HMGCLL1: variants seen among roughly 807,000 people sequenced by gnomAD.
The protein encoded by HMGCLL1 is 3-hydroxymethyl-3-methylglutaryl-CoA lyase, cytoplasmic.
In HMGCLL1, 36 loss-of-function variants were observed where a neutral mutation model predicts 39.1. The observed-to-expected ratio is 0.92, with a 90% CI of 0.71 to 1.22. The LOEUF is 1.22. Ranked by LOEUF, HMGCLL1 falls within the 50% of genes most tolerant of loss-of-function variation. HMGCLL1 has a pLI of 0.00. For missense variants in HMGCLL1, 451 were observed against 416.5 expected (o/e 1.08, Z -0.72); for synonymous variants, 149 against 144.0 (o/e 1.03, Z -0.25).
the HMGCLL1 span, among the ~76,000 whole-genome samples, chr6:55,635,929 C>G: frequency 6.6e-6 from 1 of 152,086 alleles, no homozygotes; most frequent in African/African-American, 2.4e-5. Context: ...CTCTGGGAAC[C>G]CAGTCTTGTC....
chr6:55,548,965 C>T (rs1024942598), intron 1 of HMGCLL1, among the ~76,000 whole-genome samples: 2 of 151,494 alleles, frequency 1.3e-5, no homozygotes, highest in African/African-American at 4.9e-5. Flanking sequence ...AACAGAAAAA[C>T]TTCTATGAAT....
At chr6:55,530,489 A>AT (rs1354689094) in intron 3 of HMGCLL1, among the ~76,000 whole-genome samples, 15 of 152,074 alleles carry the variant, frequency 9.9e-5, no homozygotes, top group African/African-American at 3.6e-4. Context: ...GATAGGTCAA[A>AT]TGTTCAAGAT....
the HMGCLL1 span, among the ~76,000 whole-genome samples, chr6:55,596,832 A>G: frequency 6.6e-6 from 1 of 152,180 alleles, no homozygotes. Flanking sequence ...CCAAGTTAGC[A>G]TTTTACATTT....
At chr6:55,462,397 C>T (rs1326272785) in intron 7 of HMGCLL1, among the ~76,000 whole-genome samples, 2 of 152,144 alleles carry the variant, frequency 1.3e-5, no homozygotes, top group Admixed American at 1.3e-4. Flanking sequence ...AATTATACCA[C>T]ATCTTAGCTG....
intron 7 of HMGCLL1, among the ~76,000 whole-genome samples, chr6:55,461,935 T>C (rs948928567): frequency 6.6e-6 from 1 of 152,012 alleles, no homozygotes; most frequent in Non-Finnish European, 1.5e-5. Flanking sequence ...AAAAAGAATA[T>C]AATTCAGGTT....
At chr6:55,450,287 T>G (rs958967802) in intron 7 of HMGCLL1, among the ~76,000 whole-genome samples, 78 of 152,184 alleles carry the variant, frequency 5.1e-4, no homozygotes, top group African/African-American at 1.9e-3. Flanking sequence ...TTCAGCAGAA[T>G]GGGAGGACAG....
chr6:55,504,074 T>C (rs1475785820), intron 5 of HMGCLL1, among the ~76,000 whole-genome samples: 1 of 151,762 alleles, frequency 6.6e-6, no homozygotes, highest in Non-Finnish European at 1.5e-5. Flanking sequence ...AATAAACTGG[T>C]GTTCAAGTTT....
chr6:55,493,718 G>GT lies in HMGCLL1; in HGVS notation c.795+1700dup, dbSNP rs1160497836. Among the ~76,000 whole-genome samples the GT allele has an allele frequency of 9.6e-3, 1,218 of 126,810 alleles. 14 individuals are homozygous for GT. The highest frequency in any genetic ancestry group is 0.038 in the African/African-American group (1,124 of 29,646). 83.2% of individuals were successfully genotyped at this position (126,810 alleles called of 152,430 possible). A position where few individuals can be genotyped will look rare whatever the true frequency, so the allele number is the denominator to read the frequency against. ...TTTAGGATTAGTTCCTTCTGTTTTT[G>GT]TTTTTTTTGTTTTTGTTTTTGTTTT... is the stretch of plus-strand genomic sequence containing the variant. On this transcript the variant is annotated intron_variant, in intron 7 of 8. Transcript: ENST00000274901.
the HMGCLL1 span, among the ~76,000 whole-genome samples, chr6:55,590,527 C>A: frequency 6.6e-6 from 1 of 151,966 alleles, no homozygotes; most frequent in Non-Finnish European, 1.5e-5. Context: ...AAAGCAATGG[C>A]AACAAAAGCC....
chr6:55,502,785 T>C (rs9370433), intron 5 of HMGCLL1, among the ~76,000 whole-genome samples: 18,402 of 151,298 alleles, frequency 0.12, 1,390 homozygotes, highest in East Asian at 0.26. Flanking sequence ...CTATTTATTA[T>C]ACTTTGTTAG....
the HMGCLL1 span, among the ~76,000 whole-genome samples, chr6:55,618,609 C>T: frequency 1.1e-4 from 16 of 151,794 alleles, no homozygotes; most frequent in Non-Finnish European, 1.9e-4. Context: ...GATTTGTAAA[C>T]TTAGAATTCT....
At chr6:55,510,916 A>G (rs1211525974) in intron 5 of HMGCLL1, among the ~76,000 whole-genome samples, 1 of 151,746 alleles carries the variant, frequency 6.6e-6, no homozygotes, top group Non-Finnish European at 1.5e-5. Flanking sequence ...TTTTAAATTA[A>G]TACTCTCACA....
At chr6:55,453,494 G>T (rs4418184) in intron 7 of HMGCLL1, among the ~76,000 whole-genome samples, 1 of 152,216 alleles carries the variant, frequency 6.6e-6, no homozygotes, top group South Asian at 2.1e-4. Flanking sequence ...TATTGTAGGG[G>T]CTTTTGGGAT....
At chr6:55,541,113 A>G (rs546736391) in intron 3 of HMGCLL1, among the ~76,000 whole-genome samples, 2 of 152,254 alleles carry the variant, frequency 1.3e-5, no homozygotes, top group South Asian at 4.1e-4. Flanking sequence ...CTGGTTGCTA[A>G]TTACTAGTGA....
chr6:55,618,061 T>C, the HMGCLL1 span, among the ~76,000 whole-genome samples: 5 of 152,026 alleles, frequency 3.3e-5, no homozygotes, highest in South Asian at 2.1e-4. Context: ...CAAAATTTAG[T>C]CAAGTGAAAT....
rs377232502 is a variant in HMGCLL1 at position 55,495,562 on chromosome 6, C to T, written c.652G>A (p.Gly218Arg). ...YGMGCYEISL[G>R]DTIGVGTPGS... ...GGAGTTCCCACTCCAATTGTGTCTC[C>T]TAGAGAGATCTCATAACAACCCATG... Residue 218 changes from glycine (G) to arginine (R), a missense_variant, in exon 7 of 9, where the codon GGA (glycine) becomes AGA (arginine). Transcript: ENST00000274901. 1.4e-4 allele frequency: 230 copies of T among 1,613,304 alleles called. No individual in the cohort carries two copies. The highest frequency in any genetic ancestry group is 3.3e-4 in the Middle Eastern group (2 of 6,060).
the HMGCLL1 span, among the ~76,000 whole-genome samples, chr6:55,596,915 C>G: frequency 2.4e-3 from 369 of 151,952 alleles, no homozygotes; most frequent in Non-Finnish European, 4.3e-3. Context: ...TATATATAGC[C>G]TGTAACTAAA....
Position 55,485,249 on chromosome 6 carries a change from T to A in HMGCLL1, c.795+10170A>T, listed in dbSNP as rs116042917. On this transcript the variant is annotated intron_variant, in intron 7 of 8. Transcript: ENST00000274901. The stretch of plus-strand genomic sequence containing the variant: ...GTATCTTACTGCACTTTCTCTATTT[T>A]TTTGCATAGCTTTTATCGCCAATTA... Among the ~76,000 whole-genome samples the A allele has an allele frequency of 4.1e-3, 630 of 152,212 alleles. 7 individuals are homozygous for A. Among genetic ancestry groups the A allele is most frequent in the African/African-American group, 0.014 (592 of 41,536 alleles).
At chr6:55,522,092 GGGAAA>G (rs1768071468) in intron 3 of HMGCLL1, among the ~76,000 whole-genome samples, 1 of 151,870 alleles carries the variant, frequency 6.6e-6, no homozygotes, top group Admixed American at 6.6e-5. Context: ...GCCTAATCCA[GGGAAA>G]GGCCTGATGC....
Sources: allele counts gnomAD v4.1 joint callset (sites outside exome capture counted in the v4.1 genomes callset), GRCh38; gene constraint gnomAD v4.1.1; transcripts MANE v1.5; gene names NCBI Gene and HGNC (gene_info 2026-07-23, HGNC 2026-07-21).